The following AGBL4 variants were observed in gnomAD, a reference collection of about 807,000 sequenced individuals.
AGBL4 encodes the protein cytosolic carboxypeptidase 6.
In AGBL4, 58 loss-of-function variants were observed where a neutral mutation model predicts 66.4. The ratio of observed to expected loss-of-function variants is 0.87; its 90% CI spans 0.71 to 1.09. The LOEUF (loss-of-function observed/expected upper bound fraction) is 1.09, where lower values mean the gene tolerates loss of function less well. AGBL4 is among the 50% of genes least tolerant of loss of function. The pLI is 0.00. For missense variants in AGBL4, 579 were observed against 631.0 expected (o/e 0.92, Z 0.88); for synonymous variants, 234 against 222.9 (o/e 1.05, Z -0.44).
chr1:49,941,651 CAGAA>C (rs1418407167), intron 1 of AGBL4, among the ~76,000 whole-genome samples: 14 of 151,780 alleles, frequency 9.2e-5, no homozygotes, highest in African/African-American at 3.4e-4. Context: ...TCAATAGATG[CAGAA>C]AGAAAATGTG....
At chr1:48,936,113 C>T (rs893049173) in intron 5 of AGBL4, among the ~76,000 whole-genome samples, 4 of 151,514 alleles carry the variant, frequency 2.6e-5, no homozygotes, top group Non-Finnish European at 5.9e-5. Context: ...ATAGTGAGAC[C>T]CTGTCTCTAC....
rs574379052 is a variant in AGBL4, at chr1:49,566,056, T to C, written c.282+131257A>G. 8.5e-5 allele frequency among the ~76,000 whole-genome samples: 13 copies of C among 152,320 alleles called. No homozygotes were observed. The East Asian group carries it at 2.5e-3, about 29-fold the overall frequency. On this transcript the variant is annotated intron_variant, in intron 3 of 13. Coordinates refer to ENST00000371839, the MANE Select transcript of AGBL4 (RefSeq NM_032785.4). ...CATGCTTCATTTCATTCATTTCGTC[T>C]TCCATCGCTGATACCCTTTCTTCCC...
At chr1:49,042,543 T>G (rs1417331830) in intron 5 of AGBL4, among the ~76,000 whole-genome samples, 1 of 152,192 alleles carries the variant, frequency 6.6e-6, no homozygotes, top group African/African-American at 2.4e-5. Context: ...GCCACAGAAC[T>G]GCTTCTTCTT....
At chr1:49,866,043 G>A in intron 1 of AGBL4, 1 of 239,306 alleles carries the variant, frequency 4.2e-6, no homozygotes, top group Non-Finnish European at 8.9e-6. Context: ...AGTAAGACAG[G>A]GAGACAAGAT....
intron 1 of AGBL4, among the ~76,000 whole-genome samples, chr1:49,904,302 A>T (rs1650056191): frequency 6.6e-6 from 1 of 152,208 alleles, no homozygotes; most frequent in Admixed American, 6.5e-5. Context: ...GATGAAGCTG[A>T]GGCTCACCTA....
At chr1:48,800,696 T>C (rs1435009757) in intron 6 of AGBL4, among the ~76,000 whole-genome samples, 2 of 152,226 alleles carry the variant, frequency 1.3e-5, no homozygotes. Context: ...TGTGTCACTA[T>C]TATCATTCAG....
chr1:48,909,967 G>A (rs1652947078), intron 5 of AGBL4, among the ~76,000 whole-genome samples: 1 of 152,086 alleles, frequency 6.6e-6, no homozygotes, highest in South Asian at 2.1e-4. Context: ...CTGATTTTCA[G>A]ACTCTCTCTC....
chr1:49,887,131 T>G (rs1648124378), intron 1 of AGBL4, among the ~76,000 whole-genome samples: 1 of 120,728 alleles, frequency 8.3e-6, no homozygotes, highest in East Asian at 2.0e-4. Context: ...TGCTTTACAT[T>G]TTGTGATATA....
intron 3 of AGBL4, among the ~76,000 whole-genome samples, chr1:49,437,943 A>G (rs1645939760): frequency 6.6e-6 from 1 of 152,100 alleles, no homozygotes; most frequent in African/African-American, 2.4e-5. Context: ...ATTTCTAAGA[A>G]TGTTCACAAT....
intron 1 of AGBL4, among the ~76,000 whole-genome samples, chr1:50,011,955 C>G (rs1311539927): frequency 6.6e-6 from 1 of 151,736 alleles, no homozygotes. Flanking sequence ...GTCAGGAGAT[C>G]GAGACCATCC....
chr1:48,728,912 T>C (rs754029104), intron 6 of AGBL4, among the ~76,000 whole-genome samples: 60 of 152,208 alleles, frequency 3.9e-4, no homozygotes, highest in Non-Finnish European at 7.2e-4. Context: ...AGTGTCTCAC[T>C]GCTGTGATTA....
intron 4 of AGBL4, among the ~76,000 whole-genome samples, chr1:49,088,033 G>A (rs575763461): frequency 6.6e-6 from 1 of 152,240 alleles, no homozygotes; most frequent in East Asian, 1.9e-4. Flanking sequence ...TAGGCAAATA[G>A]TAACACAATT....
intron 5 of AGBL4, among the ~76,000 whole-genome samples, chr1:48,886,638 T>C (rs1650377128): frequency 6.6e-6 from 1 of 152,094 alleles, no homozygotes; most frequent in Non-Finnish European, 1.5e-5. Flanking sequence ...CTGCAAGCTC[T>C]GCCTCCTGGG....
At chr1:48,765,101 G>GCATT (rs1037004202) in intron 6 of AGBL4, among the ~76,000 whole-genome samples, 51 of 151,654 alleles carry the variant, frequency 3.4e-4, no homozygotes, top group African/African-American at 1.2e-3. Context: ...TCTCAAAGAT[G>GCATT]CATTACACAT....
At chr1:49,293,942 G>A (rs750593638) in intron 3 of AGBL4, among the ~76,000 whole-genome samples, 4 of 152,150 alleles carry the variant, frequency 2.6e-5, no homozygotes, top group Admixed American at 6.6e-5. Context: ...ATTAGTAGAC[G>A]CAGATATGAT....
At chr1:49,219,436 C>T (rs748284165) in intron 4 of AGBL4, among the ~76,000 whole-genome samples, 17 of 152,122 alleles carry the variant, frequency 1.1e-4, no homozygotes, top group Non-Finnish European at 2.1e-4. Context: ...AGTTTTGCCA[C>T]AGTTTCACCC....
At chr1:48,926,636 T>C (rs1421198655) in intron 5 of AGBL4, among the ~76,000 whole-genome samples, 6 of 152,192 alleles carry the variant, frequency 3.9e-5, no homozygotes, top group African/African-American at 1.4e-4. Context: ...TTTAGGCAGC[T>C]GAATTGCTTT....
intron 7 of AGBL4, among the ~76,000 whole-genome samples, chr1:48,657,002 A>C (rs559784923): frequency 6.6e-6 from 1 of 152,340 alleles, no homozygotes; most frequent in African/African-American, 2.4e-5. Flanking sequence ...AAGGAGTGCC[A>C]GCGGAAGGTA....
chr1:49,670,544 A>C (rs1301551759), intron 3 of AGBL4, among the ~76,000 whole-genome samples: 1 of 152,172 alleles, frequency 6.6e-6, no homozygotes, highest in Non-Finnish European at 1.5e-5. Context: ...CATGCTTGCC[A>C]CATATCCCTG....
Sources: gnomAD v4.1 joint callset for allele counts (sites outside exome capture counted in the v4.1 genomes callset) on GRCh38, gnomAD v4.1.1 for gene constraint, MANE v1.5 for transcripts, NCBI Gene and HGNC (gene_info 2026-07-23, HGNC 2026-07-21) for gene names.